The following GSTCD variants were observed in gnomAD, a reference collection of about 807,000 sequenced individuals.
GSTCD encodes glutathione S-transferase C-terminal domain-containing protein.
A neutral mutation model predicts 68.3 loss-of-function variants in GSTCD; 44 were observed. The ratio of observed to expected loss-of-function variants is 0.64; its 90% CI spans 0.51 to 0.83. The LOEUF is 0.83. GSTCD is among the 40% of genes least tolerant of loss of function. GSTCD has a pLI of 0.00. For missense variants in GSTCD, 739 were observed against 735.9 expected (o/e 1.00, Z -0.05); for synonymous variants, 273 against 255.2 (o/e 1.07, Z -0.67).
At chr4:105,808,336 G>A (rs1207159577) in intron 5 of GSTCD, among the ~76,000 whole-genome samples, 1 of 152,026 alleles carries the variant, frequency 6.6e-6, no homozygotes, top group African/African-American at 2.4e-5. Context: ...GAACTCTAGA[G>A]TTATCCCTGT....
chr4:105,822,395 A>C (rs961884494), intron 5 of GSTCD, among the ~76,000 whole-genome samples: 1 of 152,122 alleles, frequency 6.6e-6, no homozygotes, highest in African/African-American at 2.4e-5. Context: ...ACAATGTAAC[A>C]CCTGTGTTTC....
intron 5 of GSTCD, among the ~76,000 whole-genome samples, chr4:105,742,592 T>C (rs1390842439): frequency 1.3e-5 from 2 of 152,242 alleles, no homozygotes; most frequent in Non-Finnish European, 2.9e-5. Context: ...GGAAAGCAAT[T>C]AGCACAGTGC....
intron 3 of GSTCD, among the ~76,000 whole-genome samples, chr4:105,724,872 GT>G (rs1277702971): frequency 1.3e-5 from 2 of 151,894 alleles, no homozygotes; most frequent in Non-Finnish European, 2.9e-5. Context: ...AGGATTTTAG[GT>G]TTTTGATATA....
intron 5 of GSTCD, among the ~76,000 whole-genome samples, chr4:105,782,891 G>A (rs1025915133): frequency 6.6e-6 from 1 of 152,138 alleles, no homozygotes. Flanking sequence ...TTTATGAAAA[G>A]AATTATTGTG....
chr4:105,800,925 C>G (rs575882443), intron 5 of GSTCD, among the ~76,000 whole-genome samples: 1 of 152,104 alleles, frequency 6.6e-6, no homozygotes, highest in Non-Finnish European at 1.5e-5. Flanking sequence ...ACTGAGTTCA[C>G]AGCCAACAGC....
rs1284572353 is a variant in GSTCD at position 105,797,080 on chromosome 4, A to ATG, written c.1241-25861_1241-25860dup. On this transcript the variant is annotated intron_variant, in intron 5 of 11. Transcript: ENST00000515279. ...TGTGTGTGTGTGTGTGTGTGTGTGT[A>ATG]TGTGTGTGTGTGTGCGTCTGGGTTC... 9.2e-4 allele frequency among the ~76,000 whole-genome samples: 101 copies of ATG among 109,726 alleles called. No individual in the cohort carries two copies. The East Asian group carries it at 0.02, about 22-fold the overall frequency. 72.0% of individuals were successfully genotyped at this position (109,726 alleles called of 152,430 possible). A position where few individuals can be genotyped will look rare whatever the true frequency, so the allele number is the denominator to read the frequency against.
intron 5 of GSTCD, among the ~76,000 whole-genome samples, chr4:105,763,611 A>T (rs538511170): frequency 7.2e-5 from 11 of 152,170 alleles, no homozygotes; most frequent in Admixed American, 1.3e-4. Context: ...TTTACATACC[A>T]TTTTTTAATG....
intron 5 of GSTCD, among the ~76,000 whole-genome samples, chr4:105,741,854 TTAAAG>T (rs1269768161): frequency 1.3e-5 from 2 of 152,222 alleles, no homozygotes; most frequent in Admixed American, 6.5e-5. Context: ...TTATAGTCTG[TTAAAG>T]TAAGGCAGAA....
intron 5 of GSTCD, among the ~76,000 whole-genome samples, chr4:105,759,933 C>A (rs1205738195): frequency 6.6e-6 from 1 of 152,042 alleles, no homozygotes; most frequent in Non-Finnish European, 1.5e-5. Context: ...CAAGATAATT[C>A]AGTCTTATAT....
intron 5 of GSTCD, among the ~76,000 whole-genome samples, chr4:105,765,193 T>C (rs1449812183): frequency 1.3e-5 from 2 of 152,178 alleles, no homozygotes; most frequent in African/African-American, 4.8e-5. Context: ...ATCCCATTAA[T>C]TTAATTAATA....
intron 1 of GSTCD, among the ~76,000 whole-genome samples, chr4:105,711,314 C>G (rs1428168296): frequency 6.6e-6 from 1 of 152,146 alleles, no homozygotes; most frequent in Non-Finnish European, 1.5e-5. Context: ...TTATTTTGTA[C>G]AATAGGTTGA....
chr4:105,744,060 C>T (rs1733726203), intron 5 of GSTCD, among the ~76,000 whole-genome samples: 1 of 152,122 alleles, frequency 6.6e-6, no homozygotes, highest in Non-Finnish European at 1.5e-5. Flanking sequence ...GATTTTGGCA[C>T]ATTTAGTTGC....
intron 3 of GSTCD, among the ~76,000 whole-genome samples, chr4:105,726,260 G>A (rs1262367902): frequency 6.6e-6 from 1 of 152,108 alleles, no homozygotes. Context: ...AATACTAAGT[G>A]ATAGAAGAAA....
intron 11 of GSTCD, among the ~76,000 whole-genome samples, chr4:105,845,196 A>G (rs2149290782): frequency 6.6e-6 from 1 of 152,342 alleles, no homozygotes; most frequent in East Asian, 1.9e-4. Flanking sequence ...TTATAAATAC[A>G]TCTGAAAAGG....
Position 105,726,653 on chromosome 4 carries a change from G to A in GSTCD, c.969G>A (p.Gln323=), listed in dbSNP as rs1439663483. ...PLLASWYQRI[Q]EVPGVKTAAS... is the part of the protein sequence containing the mutation. Reference sequence around the variant, plus strand: ...TAGCCTCTTGGTACCAGAGGATTCAGGAAGTGCCAGGAGTAAAAACAGCAG... The same window carrying A: ...TAGCCTCTTGGTACCAGAGGATTCAAGAAGTGCCAGGAGTAAAAACAGCAG... The change falls in exon 4 of 12, where the codon CAG becomes CAA. Residue 323 remains glutamine (Q), a synonymous_variant. Transcript: ENST00000515279. The A allele has an allele frequency of 6.2e-7, 1 of 1,613,720 alleles. No individual in the cohort carries two copies. Among genetic ancestry groups the A allele is most frequent in the Admixed American group, 1.7e-5 (1 of 59,934 alleles).
intron 4 of GSTCD, among the ~76,000 whole-genome samples, chr4:105,728,512 T>G (rs1387905819): frequency 6.6e-6 from 1 of 152,134 alleles, no homozygotes; most frequent in East Asian, 1.9e-4. Context: ...TAATGAAAGA[T>G]TATTTGTACT....
At chr4:105,720,697 A>T (rs1732833816) in intron 3 of GSTCD, among the ~76,000 whole-genome samples, 1 of 152,138 alleles carries the variant, frequency 6.6e-6, no homozygotes, top group Non-Finnish European at 1.5e-5. Context: ...ATTGATTTTT[A>T]AATTTTTTCC....
At position 105,840,043 on chromosome 4, in the gene GSTCD, T is replaced by C. The variant is rs1038171604; in HGVS notation, c.1696-2022T>C. 28 of 275,036 alleles carry C rather than the reference T, an allele frequency of 1.0e-4. No individual in the cohort carries two copies. The East Asian group carries it at 2.4e-3, about 23-fold the overall frequency. The allele number at this position is 275,036 out of a possible 1,614,324, so 17.0% of individuals were successfully genotyped here. On this transcript the variant is annotated intron_variant, in intron 10 of 11. Coordinates refer to ENST00000515279, the MANE Select transcript of GSTCD (RefSeq NM_001370181.1). ...GACTCACTTTGGAAGTGTTTTTCTC[T>C]GCAGTTCAATTTAGACAGCAACCTT...
chr4:105,722,179 C>T (rs183567693), intron 3 of GSTCD, among the ~76,000 whole-genome samples: 3 of 151,110 alleles, frequency 2.0e-5, no homozygotes, highest in Non-Finnish European at 4.4e-5. Flanking sequence ...TACACACATA[C>T]ACACACACAC....
Sources: gnomAD v4.1 joint callset for allele counts (sites outside exome capture counted in the v4.1 genomes callset) on GRCh38, gnomAD v4.1.1 for gene constraint, MANE v1.5 for transcripts, NCBI Gene and HGNC (gene_info 2026-07-23, HGNC 2026-07-21) for gene names.